Variants in PCDH15 observed in about 807,000 individuals in gnomAD.
The protein encoded by PCDH15 is protocadherin related 15.
Under a neutral mutation model 178.5 loss-of-function variants are expected in PCDH15, and 129 were observed. That is an observed-to-expected ratio of 0.72 (90% CI 0.63 to 0.84). PCDH15 has a LOEUF of 0.84. Among genes scored for constraint, PCDH15 ranks in the 40% least tolerant of loss-of-function variants. PCDH15 has a pLI of 0.00. For missense variants in PCDH15, 2,230 were observed against 2,099.9 expected (o/e 1.06, Z -1.21); for synonymous variants, 800 against 732.0 (o/e 1.09, Z -1.50).
intron 8 of PCDH15, among the ~76,000 whole-genome samples, chr10:54,261,633 AATG>A (rs1350770338): frequency 1.0e-4 from 15 of 147,142 alleles, no homozygotes; most frequent in African/African-American, 3.5e-4. Flanking sequence ...GATACATTAA[AATG>A]TGTATACAAG....
intron 26 of PCDH15, among the ~76,000 whole-genome samples, chr10:53,870,598 T>C (rs945205253): frequency 6.6e-6 from 1 of 152,198 alleles, no homozygotes; most frequent in African/African-American, 2.4e-5. Flanking sequence ...TGAATACTAG[T>C]AATTTAAACA....
At chr10:55,581,098 T>C (rs1242099648) in intron 2 of PCDH15, among the ~76,000 whole-genome samples, 1 of 152,192 alleles carries the variant, frequency 6.6e-6, no homozygotes, top group Non-Finnish European at 1.5e-5. Context: ...ATGTACATAA[T>C]ACGCATTTTT....
intron 17 of PCDH15, among the ~76,000 whole-genome samples, chr10:54,072,287 AAT>A (rs1157166365): frequency 6.6e-6 from 1 of 152,156 alleles, no homozygotes; most frequent in African/African-American, 2.4e-5. Flanking sequence ...GTATTTAGAG[AAT>A]ATTAATTTAA....
intron 13 of PCDH15, among the ~76,000 whole-genome samples, chr10:54,168,233 G>A (rs903504940): frequency 4.1e-4 from 62 of 152,116 alleles, no homozygotes; most frequent in African/African-American, 1.4e-3. Flanking sequence ...TCGTAAAATA[G>A]GCAAACGGTC....
upstream of PCDH15, among the ~76,000 whole-genome samples, chr10:55,323,044 A>AC: frequency 6.6e-6 from 1 of 152,238 alleles, no homozygotes; most frequent in South Asian, 2.1e-4. Context: ...AGCCATTGCT[A>AC]AAAGGGGCCA....
intron 1 of PCDH15, among the ~76,000 whole-genome samples, chr10:55,194,855 C>T (rs1292874125): frequency 6.6e-6 from 1 of 151,818 alleles, no homozygotes; most frequent in Non-Finnish European, 1.5e-5. Context: ...CCCACTTTAG[C>T]TTCCTAATAG....
Position 55,341,762 on chromosome 10 carries a change from CATATAT to C in PCDH15, c.-155-175117_-155-175112del, listed in dbSNP as rs775413614. Among the ~76,000 whole-genome samples the C allele has an allele frequency of 7.1e-3, 312 of 43,858 alleles. 2 individuals carry two copies. The highest frequency in any genetic ancestry group is 0.05 in the Middle Eastern group (2 of 40). The allele number at this position is 43,858 out of a possible 152,430, so 28.8% of individuals were successfully genotyped here. On this transcript the variant is annotated intron_variant, in intron 2 of 5. Coordinates refer to the PCDH15 transcript ENST00000613346. ...TTTTTTTTGTATATACATACATATGCATATATATATATATATATATATATATATATA... is the reference window on the plus strand; with the variant it reads ...TTTTTTTTGTATATACATACATATGCATATATATATATATATATATATATA...
At chr10:54,083,077 T>C (rs1276418696) in intron 16 of PCDH15, among the ~76,000 whole-genome samples, 1 of 152,066 alleles carries the variant, frequency 6.6e-6, no homozygotes, top group Non-Finnish European at 1.5e-5. Context: ...CTCACTATGA[T>C]AATTATATTT....
chr10:54,777,983 C>G (rs1397536034), intron 1 of PCDH15, among the ~76,000 whole-genome samples: 4 of 152,102 alleles, frequency 2.6e-5, no homozygotes. Context: ...GAATAAAAAT[C>G]CTGAAAGGAG....
intron 13 of PCDH15, among the ~76,000 whole-genome samples, chr10:54,168,033 C>T (rs1317845664): frequency 6.6e-6 from 1 of 151,818 alleles, no homozygotes; most frequent in African/African-American, 2.4e-5. Context: ...CCCTCCATTC[C>T]TCCTTCTACT....
At chr10:55,045,902 A>C (rs1280495472) in intron 2 of PCDH15, among the ~76,000 whole-genome samples, 2 of 149,452 alleles carry the variant, frequency 1.3e-5, no homozygotes, top group African/African-American at 2.6e-5. Flanking sequence ...TTCACTTGGA[A>C]AAAAAAGGTA....
At chr10:54,299,692 A>G (rs1246490663) in intron 8 of PCDH15, among the ~76,000 whole-genome samples, 1 of 152,204 alleles carries the variant, frequency 6.6e-6, no homozygotes, top group Non-Finnish European at 1.5e-5. Flanking sequence ...GGTTCCTCCC[A>G]GGCAGTTAAG....
At chr10:54,360,598 T>C (rs569697761) in intron 5 of PCDH15, among the ~76,000 whole-genome samples, 23 of 152,278 alleles carry the variant, frequency 1.5e-4, no homozygotes, top group African/African-American at 5.3e-4. Flanking sequence ...TGGGATTCTA[T>C]AGAAAAGTTA....
intron 1 of PCDH15, among the ~76,000 whole-genome samples, chr10:55,261,178 A>G (rs1030515272): frequency 1.3e-5 from 2 of 152,232 alleles, no homozygotes; most frequent in African/African-American, 2.4e-5. Context: ...TGATTAATTC[A>G]ATGTATGCCT....
At chr10:54,533,365 G>T (rs527970239) in intron 2 of PCDH15, among the ~76,000 whole-genome samples, 1 of 152,216 alleles carries the variant, frequency 6.6e-6, no homozygotes, top group South Asian at 2.1e-4. Context: ...CAACTCAGCA[G>T]ATGTGAAAGG....
intron 2 of PCDH15, among the ~76,000 whole-genome samples, chr10:54,532,446 T>C (rs1389605450): frequency 6.6e-6 from 1 of 152,130 alleles, no homozygotes; most frequent in Non-Finnish European, 1.5e-5. Context: ...CTCTCATAAC[T>C]CTGCCTCATA....
chr10:55,352,869 C>A (rs535708163), intron 2 of PCDH15, among the ~76,000 whole-genome samples: 58 of 152,212 alleles, frequency 3.8e-4, no homozygotes, highest in African/African-American at 1.3e-3. Flanking sequence ...TGGTCTGCTG[C>A]TGGTCTGATC....
chr10:53,807,501 A>T (rs1841270470), intron 37 of PCDH15, among the ~76,000 whole-genome samples: 1 of 152,166 alleles, frequency 6.6e-6, no homozygotes, highest in Admixed American at 6.6e-5. Flanking sequence ...ATTGAAAGGA[A>T]TGAACAGCTT....
At chr10:54,498,147 T>C (rs2080309450) in intron 3 of PCDH15, among the ~76,000 whole-genome samples, 1 of 152,118 alleles carries the variant, frequency 6.6e-6, no homozygotes, top group Non-Finnish European at 1.5e-5. Flanking sequence ...ACTGAGGTCC[T>C]ATATACAGCA....
Sources: allele counts gnomAD v4.1 joint callset (sites outside exome capture counted in the v4.1 genomes callset), GRCh38; gene constraint gnomAD v4.1.1; transcripts MANE v1.5; gene names NCBI Gene and HGNC (gene_info 2026-07-23, HGNC 2026-07-21).